The following KIF21A variants were observed in gnomAD, a reference collection of about 807,000 sequenced individuals.
KIF21A encodes the protein kinesin-like protein KIF21A.
In KIF21A, 114 loss-of-function variants were observed where a neutral mutation model predicts 202.9. The observed-to-expected ratio is 0.56, with a 90% CI of 0.48 to 0.66. The LOEUF is 0.66. KIF21A is among the 30% of genes least tolerant of loss of function. The pLI is 0.00. For synonymous variants in KIF21A, 667 were observed against 670.8 expected (o/e 0.99, Z 0.09); for missense variants, 1,677 against 1,994.9 (o/e 0.84, Z 3.04).
At chr12:39,428,560 T>G (rs1316303121) in intron 1 of KIF21A, among the ~76,000 whole-genome samples, 1 of 152,222 alleles carries the variant, frequency 6.6e-6, no homozygotes, top group East Asian at 1.9e-4. Flanking sequence ...GTAATTAAAA[T>G]TTTTATAATA....
chr12:39,395,032 TC>T (rs1951633300), intron 1 of KIF21A, among the ~76,000 whole-genome samples: 1 of 152,030 alleles, frequency 6.6e-6, no homozygotes, highest in African/African-American at 2.4e-5. Flanking sequence ...CAAACCATCT[TC>T]CCCATCCCAA....
chr12:39,427,156 T>A (rs1369091437), intron 1 of KIF21A, among the ~76,000 whole-genome samples: 1 of 152,154 alleles, frequency 6.6e-6, no homozygotes, highest in Non-Finnish European at 1.5e-5. Context: ...TGGGGCTCAG[T>A]AACTAATAAA....
At chr12:39,333,584 C>T (rs892001661) in intron 17 of KIF21A, among the ~76,000 whole-genome samples, 2 of 152,026 alleles carry the variant, frequency 1.3e-5, no homozygotes, top group African/African-American at 2.4e-5. Context: ...CAAATGTTAT[C>T]TTATTTAATT....
intron 11 of KIF21A, among the ~76,000 whole-genome samples, chr12:39,351,391 T>C (rs544729367): frequency 2.0e-5 from 3 of 152,076 alleles, no homozygotes; most frequent in Non-Finnish European, 4.4e-5. Flanking sequence ...GATGAAAATA[T>C]CCATGAGACT....
intron 16 of KIF21A, among the ~76,000 whole-genome samples, chr12:39,338,226 G>A (rs1947147227): frequency 6.6e-6 from 1 of 151,966 alleles, no homozygotes. Context: ...TTGTGTTTTA[G>A]TTTTAACAAA....
chr12:39,370,995 C>T (rs1332071802), intron 1 of KIF21A, among the ~76,000 whole-genome samples: 1 of 152,136 alleles, frequency 6.6e-6, no homozygotes, highest in Non-Finnish European at 1.5e-5. Context: ...TTGCATATAA[C>T]TTACACACTT....
chr12:39,357,466 G>A lies in KIF21A; in HGVS notation c.1216-29C>T, dbSNP rs770900823. Reference sequence around the variant, plus strand: ...GTAAAGGAAAATAATGTCCTTGTTGGTTGAGGAGCCTTAAAAACACAAGAG... The same window carrying A: ...GTAAAGGAAAATAATGTCCTTGTTGATTGAGGAGCCTTAAAAACACAAGAG... On this transcript the variant is annotated intron_variant, in intron 8 of 37. Coordinates refer to ENST00000361418, the MANE Select transcript of KIF21A (RefSeq NM_001173464.2). 98 of 1,575,814 alleles carry A rather than the reference G, an allele frequency of 6.2e-5. 1 individual carries two copies. In the Admixed American group the frequency reaches 1.6e-3, roughly 25 times the overall value.
intron 1 of KIF21A, among the ~76,000 whole-genome samples, chr12:39,410,690 A>G (rs1251138874): frequency 6.6e-6 from 1 of 152,228 alleles, no homozygotes; most frequent in African/African-American, 2.4e-5. Context: ...CCATAAAGCA[A>G]GTCTTACAAA....
chr12:39,352,853 A>C (rs80202667), intron 10 of KIF21A, among the ~76,000 whole-genome samples: 1 of 152,166 alleles, frequency 6.6e-6, no homozygotes, highest in Non-Finnish European at 1.5e-5. Flanking sequence ...GAAGACATCA[A>C]ACAATGAAAT....
At chr12:39,365,735 C>T (rs949214363) in intron 6 of KIF21A, among the ~76,000 whole-genome samples, 6 of 152,184 alleles carry the variant, frequency 3.9e-5, no homozygotes, top group African/African-American at 4.8e-5. Flanking sequence ...TTGGGCCAAG[C>T]GCAGTGGCTC....
chr12:39,429,018 T>C (rs143455747), intron 1 of KIF21A, among the ~76,000 whole-genome samples: 87 of 152,052 alleles, frequency 5.7e-4, no homozygotes, highest in African/African-American at 1.9e-3. Flanking sequence ...TGTTCACTTA[T>C]AGTTTAAATA....
intron 7 of KIF21A, among the ~76,000 whole-genome samples, chr12:39,361,667 G>A (rs1388130011): frequency 5.3e-5 from 8 of 150,336 alleles, no homozygotes; most frequent in Non-Finnish European, 7.4e-5. Context: ...CACCACGCCT[G>A]GCTAATTTTT....
In KIF21A at chr12:39,294,255, T is replaced by C. The variant is rs1462455109; in HGVS notation, c.*169A>G. 1 of 615,858 alleles carries C rather than the reference T, an allele frequency of 1.6e-6. No homozygotes were observed. Among genetic ancestry groups the C allele is most frequent in the Non-Finnish European group, 3.0e-6 (1 of 336,298 alleles). 38.1% of individuals were successfully genotyped at this position (615,858 alleles called of 1,614,324 possible). On this transcript the variant is annotated 3_prime_UTR_variant, in exon 38 of 38. Transcript: ENST00000361418. ...TGATCTTAAAACTAAGCACACAGGA[T>C]AGTACACAATTTTATTAGAATACCA... is the stretch of plus-strand genomic sequence containing the variant.
At chr12:39,313,257 C>A (rs1220003190) in intron 31 of KIF21A, among the ~76,000 whole-genome samples, 1 of 151,746 alleles carries the variant, frequency 6.6e-6, no homozygotes, top group Non-Finnish European at 1.5e-5. Flanking sequence ...TTCCAAAATG[C>A]AGGAAAAACG....
chr12:39,383,011 T>TATTACTTTTAGGACA (rs1320105861), intron 1 of KIF21A, among the ~76,000 whole-genome samples: 7 of 152,362 alleles, frequency 4.6e-5, no homozygotes, highest in African/African-American at 1.7e-4. Flanking sequence ...TAATTTGGTC[T>TATTACTTTTAGGACA]ATTACTTTTA....
intron 26 of KIF21A, among the ~76,000 whole-genome samples, chr12:39,323,716 G>A (rs902596424): frequency 6.6e-6 from 1 of 152,090 alleles, no homozygotes; most frequent in African/African-American, 2.4e-5. Context: ...GAGCAAACTT[G>A]TTTTTTCAGC....
chr12:39,426,989 C>T (rs2140301874), intron 1 of KIF21A, among the ~76,000 whole-genome samples: 1 of 152,110 alleles, frequency 6.6e-6, no homozygotes, highest in Non-Finnish European at 1.5e-5. Context: ...ATAGCTTACA[C>T]ATAATGTGTT....
chr12:39,389,643 TA>T (rs1184489966), intron 1 of KIF21A, among the ~76,000 whole-genome samples: 1 of 152,188 alleles, frequency 6.6e-6, no homozygotes, highest in Non-Finnish European at 1.5e-5. Flanking sequence ...TCTTTTCCAT[TA>T]AGCTCCAAGC....
intron 27 of KIF21A, chr12:39,322,313 A>G (rs1024275930): frequency 5.8e-6 from 1 of 171,820 alleles, no homozygotes; most frequent in African/African-American, 2.4e-5. Context: ...TAAGAGTCTA[A>G]ACTTTCTGTT....
Sources: gnomAD v4.1 joint callset for allele counts (sites outside exome capture counted in the v4.1 genomes callset) on GRCh38, gnomAD v4.1.1 for gene constraint, MANE v1.5 for transcripts, NCBI Gene and HGNC (gene_info 2026-07-23, HGNC 2026-07-21) for gene names.